Variants in LHFPL2 observed in about 807,000 individuals in gnomAD.
LHFPL2 encodes the protein LHFPL tetraspan subfamily member 2 protein.
Under a neutral mutation model 17.5 loss-of-function variants are expected in LHFPL2, and 7 were observed. That is an observed-to-expected ratio of 0.40 (90% confidence interval 0.23 to 0.75). The LOEUF (loss-of-function observed/expected upper bound fraction) is 0.75, where lower values mean the gene tolerates loss of function less well. Ranked by LOEUF, LHFPL2 falls within the 30% of genes least tolerant of loss-of-function variation. The pLI is 0.37. For synonymous variants in LHFPL2, 134 were observed against 116.2 expected (o/e 1.15, Z -0.99); for missense variants, 241 against 294.8 (o/e 0.82, Z 1.34).
At chr5:78,514,445 G>C (rs16876257) in intron 3 of LHFPL2, among the ~76,000 whole-genome samples, 18,926 of 152,082 alleles carry the variant, frequency 0.12, 1,479 homozygotes, top group African/African-American at 0.2. Context: ...CAAAATGGCT[G>C]GTCTGTGGGA....
intron 1 of LHFPL2, among the ~76,000 whole-genome samples, chr5:78,638,490 TA>T (rs1485332605): frequency 2.0e-5 from 3 of 152,234 alleles, no homozygotes; most frequent in Admixed American, 1.3e-4. Flanking sequence ...CTCGTGATCG[TA>T]AATCAGCAGA....
At chr5:78,496,976 G>C (rs1754627257) in intron 4 of LHFPL2, among the ~76,000 whole-genome samples, 1 of 152,160 alleles carries the variant, frequency 6.6e-6, no homozygotes, top group African/African-American at 2.4e-5. Context: ...TTGAACTCCA[G>C]ATGTGCATAT....
intron 3 of LHFPL2, among the ~76,000 whole-genome samples, chr5:78,553,041 G>C (rs534985641): frequency 6.6e-6 from 1 of 152,294 alleles, no homozygotes; most frequent in African/African-American, 2.4e-5. Flanking sequence ...AACAGAAATG[G>C]GTTCGCCACA....
At chr5:78,542,639 G>A (rs566130284) in intron 3 of LHFPL2, among the ~76,000 whole-genome samples, 1 of 152,238 alleles carries the variant, frequency 6.6e-6, no homozygotes, top group African/African-American at 2.4e-5. Context: ...GACAGCTCAA[G>A]GCCACCTCTT....
At chr5:78,491,032 G>A (rs899869616) in intron 4 of LHFPL2, 1 of 152,166 alleles carries the variant, frequency 6.6e-6, no homozygotes, top group Non-Finnish European at 1.5e-5. Context: ...CTGACTTTAT[G>A]GCAGTATGAG....
intron 4 of LHFPL2, among the ~76,000 whole-genome samples, chr5:78,504,106 C>T (rs1000488681): frequency 5.3e-5 from 8 of 152,172 alleles, no homozygotes; most frequent in African/African-American, 1.2e-4. Flanking sequence ...GATTCAGACA[C>T]GGAACTGTTG....
At chr5:78,618,174 C>T (rs556897045) in intron 2 of LHFPL2, among the ~76,000 whole-genome samples, 75 of 151,914 alleles carry the variant, frequency 4.9e-4, no homozygotes, top group Non-Finnish European at 9.1e-4. Flanking sequence ...GCACTCCAGC[C>T]TGGGTGTCAG....
intron 1 of LHFPL2, among the ~76,000 whole-genome samples, chr5:78,637,260 G>A (rs767727425): frequency 3.3e-5 from 5 of 152,096 alleles, no homozygotes; most frequent in Non-Finnish European, 5.9e-5. Flanking sequence ...CTTTGTAATC[G>A]CATAACCTTG....
intron 2 of LHFPL2, among the ~76,000 whole-genome samples, chr5:78,565,939 A>T (rs1756848221): frequency 6.6e-6 from 1 of 152,218 alleles, no homozygotes; most frequent in Non-Finnish European, 1.5e-5. Flanking sequence ...ATTTAAAAGT[A>T]ATTTCTTCAT....
At chr5:78,506,552 G>A (rs1316345481) in intron 4 of LHFPL2, among the ~76,000 whole-genome samples, 1 of 152,202 alleles carries the variant, frequency 6.6e-6, no homozygotes, top group Non-Finnish European at 1.5e-5. Flanking sequence ...TGGCCAACGG[G>A]AGAAAGCAAG....
intron 2 of LHFPL2, among the ~76,000 whole-genome samples, chr5:78,575,856 T>C (rs185162252): frequency 2.6e-5 from 4 of 152,270 alleles, no homozygotes; most frequent in East Asian, 1.9e-4. Flanking sequence ...TTTCAAGAAG[T>C]AGAGTCGCAG....
chr5:78,526,515 A>T (rs1755625341), intron 3 of LHFPL2, among the ~76,000 whole-genome samples: 1 of 152,316 alleles, frequency 6.6e-6, no homozygotes, highest in East Asian at 1.9e-4. Flanking sequence ...CTTACATCCC[A>T]GTGATATGCA....
intron 2 of LHFPL2, among the ~76,000 whole-genome samples, chr5:78,594,554 A>C (rs1377002143): frequency 6.6e-6 from 1 of 152,238 alleles, no homozygotes; most frequent in Non-Finnish European, 1.5e-5. Flanking sequence ...AATAGTGGCT[A>C]TAAGCTTAAA....
intron 3 of LHFPL2, among the ~76,000 whole-genome samples, chr5:78,557,261 T>C (rs10942864): frequency 0.48 from 72,790 of 151,798 alleles, 17,951 homozygotes; most frequent in African/African-American, 0.6. Flanking sequence ...TTTGCCCCAA[T>C]GACTTTCTCT....
intron 2 of LHFPL2, among the ~76,000 whole-genome samples, chr5:78,595,635 C>T (rs1743798115): frequency 6.6e-6 from 1 of 152,188 alleles, no homozygotes; most frequent in Admixed American, 6.5e-5. Flanking sequence ...CCTCAGCCTC[C>T]GGAACAGCTG....
intron 3 of LHFPL2, among the ~76,000 whole-genome samples, chr5:78,541,714 G>T (rs1408916785): frequency 1.3e-5 from 2 of 152,148 alleles, no homozygotes; most frequent in South Asian, 4.1e-4. Flanking sequence ...AGAGGGGGAA[G>T]AACATAAAAC....
In LHFPL2 at chr5:78,609,519, T is replaced by G. The variant is rs182609617; in HGVS notation, c.-245+22745A>C. Among the ~76,000 whole-genome samples, 498 of 141,122 alleles carry G rather than the reference T, an allele frequency of 3.5e-3. 4 individuals carry two copies. Among genetic ancestry groups the G allele is most frequent in the African/African-American group, 0.013 (485 of 37,980 alleles). The allele number at this position is 141,122 out of a possible 152,430, so 92.6% of individuals were successfully genotyped here. On this transcript the variant is annotated intron_variant, in intron 2 of 4. Coordinates refer to ENST00000380345, the MANE Select transcript of LHFPL2 (RefSeq NM_005779.3). ...AGTAAATTACAGCACATCTATACAA[T>G]GGAATATTCTTCAGATATTAAAAAT...
intron 3 of LHFPL2, among the ~76,000 whole-genome samples, chr5:78,540,450 G>A (rs1756075959): frequency 6.6e-6 from 1 of 152,182 alleles, no homozygotes; most frequent in African/African-American, 2.4e-5. Context: ...ATCAGTCACT[G>A]ATTGCAACAG....
intron 4 of LHFPL2, among the ~76,000 whole-genome samples, chr5:78,492,123 G>T (rs1414548645): frequency 1.3e-5 from 2 of 152,172 alleles, no homozygotes; most frequent in African/African-American, 4.8e-5. Context: ...GTGCCACTCT[G>T]GTGTACCCTC....
Sources: allele counts gnomAD v4.1 joint callset (sites outside exome capture counted in the v4.1 genomes callset), GRCh38; gene constraint gnomAD v4.1.1; transcripts MANE v1.5; gene names NCBI Gene and HGNC (gene_info 2026-07-23, HGNC 2026-07-21).